SH3RF2: variants seen among roughly 807,000 people sequenced by gnomAD.
The protein encoded by SH3RF2 is E3 ubiquitin-protein ligase SH3RF2.
Under a neutral mutation model 59.0 loss-of-function variants are expected in SH3RF2, and 43 were observed. The observed-to-expected ratio is 0.73, with a 90% CI of 0.57 to 0.94. SH3RF2 has a LOEUF of 0.94. Among genes scored for constraint, SH3RF2 ranks in the 40% least tolerant of loss-of-function variants. The pLI, the probability that SH3RF2 is intolerant of heterozygous loss-of-function variation, is 0.00. For synonymous variants in SH3RF2, 391 were observed against 391.5 expected (o/e 1.00, Z 0.01); for missense variants, 930 against 940.1 (o/e 0.99, Z 0.14).
intron 5 of SH3RF2, among the ~76,000 whole-genome samples, chr5:146,044,456 T>C (rs115419455): frequency 0.015 from 2,262 of 152,312 alleles, 63 homozygotes; most frequent in African/African-American, 0.05. Context: ...CATCAGTGTG[T>C]AGTGGTATCT....
At chr5:146,068,755 C>CA (rs772968653) in intron 9 of SH3RF2, among the ~76,000 whole-genome samples, 35 of 152,290 alleles carry the variant, frequency 2.3e-4, no homozygotes, top group East Asian at 5.8e-4. Context: ...TACACTTTGA[C>CA]AAATAGAAGG....
intron 4 of SH3RF2, among the ~76,000 whole-genome samples, chr5:146,012,065 A>C (rs1256397450): frequency 6.6e-6 from 1 of 152,108 alleles, no homozygotes; most frequent in African/African-American, 2.4e-5. Flanking sequence ...ATCAATACCT[A>C]ATTTATTGAG....
At chr5:146,020,854 A>T (rs1761292867) in intron 5 of SH3RF2, among the ~76,000 whole-genome samples, 1 of 152,126 alleles carries the variant, frequency 6.6e-6, no homozygotes, top group Admixed American at 6.5e-5. Context: ...TCCTTCCTCC[A>T]CTGTCCTGCA....
At chr5:146,009,303 G>T (rs1030008229) in intron 4 of SH3RF2, among the ~76,000 whole-genome samples, 2 of 152,064 alleles carry the variant, frequency 1.3e-5, no homozygotes, top group African/African-American at 4.8e-5. Context: ...TAAAATGGAA[G>T]CTTCCCAGGC....
intron 5 of SH3RF2, 59 bp downstream of exon 5, chr5:146,014,120 T>C (rs1761020032): frequency 5.1e-6 from 8 of 1,562,910 alleles, no homozygotes; most frequent in Non-Finnish European, 7.0e-6. Context: ...ATTCATACCA[T>C]GTCACAACCA....
chr5:146,057,125 A>G (rs901021941), intron 8 of SH3RF2, among the ~76,000 whole-genome samples: 4 of 152,254 alleles, frequency 2.6e-5, no homozygotes, highest in African/African-American at 9.6e-5. Context: ...ATCTTAACAG[A>G]TGAATTAACA....
intron 3 of SH3RF2, among the ~76,000 whole-genome samples, chr5:146,001,436 T>C (rs1443427475): frequency 2.6e-5 from 4 of 152,210 alleles, no homozygotes; most frequent in South Asian, 2.1e-4. Context: ...CTGCCCTCCA[T>C]ATTTTGAGAT....
chr5:146,025,304 T>C (rs1489995979), intron 5 of SH3RF2, among the ~76,000 whole-genome samples: 1 of 152,228 alleles, frequency 6.6e-6, no homozygotes, highest in Non-Finnish European at 1.5e-5. Context: ...CCACCCCTTT[T>C]TCCACTGGCC....
chr5:146,028,201 CACACACACAG>C (rs1306153701), intron 5 of SH3RF2, among the ~76,000 whole-genome samples: 28 of 104,498 alleles, frequency 2.7e-4, no homozygotes, highest in East Asian at 8.5e-4. Flanking sequence ...CACACACACA[CACACACACAG>C]AGATAATTCA....
At chr5:146,065,249 CA>C (rs1165112513), downstream of SH3RF2, among the ~76,000 whole-genome samples, 6 of 152,176 alleles carry the variant, frequency 3.9e-5, no homozygotes, top group African/African-American at 1.4e-4. Context: ...TGCCCAAATC[CA>C]TGCCTCATTG....
At chr5:146,047,254 C>T (rs1210944499) in intron 5 of SH3RF2, among the ~76,000 whole-genome samples, 3 of 151,780 alleles carry the variant, frequency 2.0e-5, no homozygotes, top group African/African-American at 7.3e-5. Context: ...TTGTTTCATA[C>T]TAATTGTGTG....
At chr5:146,002,171 C>T (rs1760442194) in intron 3 of SH3RF2, among the ~76,000 whole-genome samples, 2 of 152,184 alleles carry the variant, frequency 1.3e-5, no homozygotes, top group Admixed American at 6.5e-5. Flanking sequence ...ATAATAACCT[C>T]CTGGCACGGT....
intron 2 of SH3RF2, among the ~76,000 whole-genome samples, chr5:145,964,824 T>C (rs922867701): frequency 1.3e-5 from 2 of 152,154 alleles, no homozygotes; most frequent in African/African-American, 4.8e-5. Context: ...TCATATGTCC[T>C]GAGATTAATT....
chr5:146,009,330 C>G lies in SH3RF2; in HGVS notation c.745-4417C>G, dbSNP rs78595125. On this transcript the variant is annotated intron_variant, in intron 4 of 9. Coordinates refer to ENST00000359120, the MANE Select transcript of SH3RF2 (RefSeq NM_152550.4). ...TTCCCAGGCTCTTGTGATCTGGCCCCTGCCTGTCTCTGTGGCCTCTTTTAT... is the reference window on the plus strand; with the variant it reads ...TTCCCAGGCTCTTGTGATCTGGCCCGTGCCTGTCTCTGTGGCCTCTTTTAT... 6.8e-3 allele frequency among the ~76,000 whole-genome samples: 1,035 copies of G among 152,266 alleles called. 15 individuals carry two copies. Among genetic ancestry groups the G allele is most frequent in the African/African-American group, 0.024 (1,008 of 41,554 alleles).
At chr5:146,011,904 C>T (rs960471713) in intron 4 of SH3RF2, among the ~76,000 whole-genome samples, 33 of 152,314 alleles carry the variant, frequency 2.2e-4, no homozygotes, top group South Asian at 6.2e-4. Flanking sequence ...CTGGCCAGAA[C>T]TTCCAACACT....
intron 2 of SH3RF2, among the ~76,000 whole-genome samples, chr5:145,959,750 G>A (rs1758559643): frequency 6.6e-6 from 1 of 151,868 alleles, no homozygotes; most frequent in Non-Finnish European, 1.5e-5. Context: ...CTGAAGGACT[G>A]GTTTGAGGCC....
intron 2 of SH3RF2, among the ~76,000 whole-genome samples, chr5:145,960,824 G>C (rs970502240): frequency 1.3e-5 from 2 of 152,136 alleles, no homozygotes; most frequent in Non-Finnish European, 2.9e-5. Context: ...ATTGCTATTG[G>C]CACATAAAGA....
intron 8 of SH3RF2, among the ~76,000 whole-genome samples, chr5:146,057,928 G>GTCTCTCTCTCTCTC (rs58826823): frequency 7.3e-4 from 97 of 133,212 alleles, no homozygotes; most frequent in African/African-American, 2.1e-3. Context: ...GGCTGTTAGT[G>GTCTCTCTCTCTCTC]TCTCTCTCTC....
Position 145,986,044 on chromosome 5 carries a change from A to AATAAATGT in SH3RF2, c.379-14012_379-14011insAAATGTAT, listed in dbSNP as rs1410764416. On this transcript the variant is annotated intron_variant, in intron 2 of 9. Transcript: ENST00000359120. ...AAATAAATAAATAAATAAATAAATA[A>AATAAATGT]ATGTCTGTTATCGTTAGAGTTGGGA... is the stretch of plus-strand genomic sequence containing the variant. Among the ~76,000 whole-genome samples the AATAAATGT allele has an allele frequency of 2.2e-5, 3 of 138,984 alleles. No homozygotes were observed. In the East Asian group the frequency reaches 5.9e-4, roughly 27 times the overall value. The allele number at this position is 138,984 out of a possible 152,430, so 91.2% of individuals were successfully genotyped here.
Sources: allele counts gnomAD v4.1 joint callset (sites outside exome capture counted in the v4.1 genomes callset), GRCh38; gene constraint gnomAD v4.1.1; transcripts MANE v1.5; gene names NCBI Gene and HGNC (gene_info 2026-07-23, HGNC 2026-07-21).